PALM2AKAP2: variants seen among roughly 807,000 people sequenced by gnomAD.
PALM2AKAP2 encodes PALM2 and AKAP2 fusion.
In PALM2AKAP2, 37 loss-of-function variants were observed where a neutral mutation model predicts 71.5. That is an observed-to-expected ratio of 0.52 (90% CI 0.40 to 0.68). The LOEUF (loss-of-function observed/expected upper bound fraction) is 0.68. Among genes scored for constraint, PALM2AKAP2 ranks in the 30% least tolerant of loss-of-function variants. The probability of loss-of-function intolerance (pLI) is 0.00; values close to 1 mark genes in which losing one functional copy is unlikely to be tolerated. For missense variants in PALM2AKAP2, 1,224 were observed against 1,191.8 expected, an observed-to-expected ratio of 1.03 and a Z score of -0.40; for synonymous variants, 468 against 478.8, an observed-to-expected ratio of 0.98 and a Z score of 0.29.
chr9:110,118,366 C>T (rs111886707), intron 1 of PALM2AKAP2, among the ~76,000 whole-genome samples: 9,631 of 152,144 alleles, frequency 0.063, 348 homozygotes, highest in Middle Eastern at 0.11. Context: ...CCTGCCTCTG[C>T]CTCCTAAGTA....
At chr9:110,096,948 AT>A (rs1454807323) in intron 1 of PALM2AKAP2, among the ~76,000 whole-genome samples, 143 of 141,784 alleles carry the variant, frequency 1.0e-3, no homozygotes, top group African/African-American at 4.1e-3. Flanking sequence ...TTATTTATTT[AT>A]TTATTTATTT....
intron 3 of PALM2AKAP2, among the ~76,000 whole-genome samples, chr9:109,905,061 A>G (rs1564203583): frequency 6.6e-6 from 1 of 152,234 alleles, no homozygotes; most frequent in Non-Finnish European, 1.5e-5. Flanking sequence ...CTACCCTCAC[A>G]GAACATTTTG....
intron 1 of PALM2AKAP2, among the ~76,000 whole-genome samples, chr9:109,840,046 C>T (rs1049826480): frequency 2.0e-4 from 30 of 152,130 alleles, no homozygotes; most frequent in Non-Finnish European, 3.7e-4. Context: ...AAAAAGAGCC[C>T]GCATTGCCAA....
chr9:109,785,592 C>A (rs533894221), intron 1 of PALM2AKAP2, among the ~76,000 whole-genome samples: 2 of 152,186 alleles, frequency 1.3e-5, no homozygotes, highest in African/African-American at 2.4e-5. Context: ...AGGTGAAAGG[C>A]ACATCTCACA....
At chr9:109,731,334 A>C (rs1828554084) in intron 1 of PALM2AKAP2, among the ~76,000 whole-genome samples, 1 of 152,168 alleles carries the variant, frequency 6.6e-6, no homozygotes, top group Non-Finnish European at 1.5e-5. Context: ...CAGTTGTCAA[A>C]CTTCTTATAG....
At chr9:110,097,606 G>A (rs10980203) in intron 1 of PALM2AKAP2, among the ~76,000 whole-genome samples, 24,930 of 144,460 alleles carry the variant, frequency 0.17, 2,767 homozygotes, top group East Asian at 0.37. Flanking sequence ...ATGGGATGGC[G>A]GCCGGGAAGA....
chr9:109,813,064 G>T (rs1009397658), intron 1 of PALM2AKAP2, among the ~76,000 whole-genome samples: 2 of 152,248 alleles, frequency 1.3e-5, no homozygotes, highest in Non-Finnish European at 2.9e-5. Context: ...TTTTAAAAAT[G>T]ATTGCAGGTC....
At chr9:109,980,699 C>A (rs545574904) in intron 6 of PALM2AKAP2, among the ~76,000 whole-genome samples, 14 of 152,342 alleles carry the variant, frequency 9.2e-5, no homozygotes, top group Non-Finnish European at 2.1e-4. Flanking sequence ...TCCTTGGGTG[C>A]TTCTTACTGC....
chr9:110,037,331 C>T (rs1474098560), intron 7 of PALM2AKAP2, among the ~76,000 whole-genome samples: 3 of 152,128 alleles, frequency 2.0e-5, no homozygotes, highest in African/African-American at 7.2e-5. Flanking sequence ...CTCAGCCTCC[C>T]GAGTAGCTGG....
intron 1 of PALM2AKAP2, among the ~76,000 whole-genome samples, chr9:109,689,008 C>T (rs563224225): frequency 7.9e-5 from 12 of 152,230 alleles, no homozygotes; most frequent in Middle Eastern, 6.8e-3. Flanking sequence ...ACTTCGCCAC[C>T]ATCAGTCAGT....
chr9:109,838,761 A>G (rs1235116749), intron 1 of PALM2AKAP2, among the ~76,000 whole-genome samples: 10 of 152,236 alleles, frequency 6.6e-5, no homozygotes, highest in African/African-American at 2.2e-4. Flanking sequence ...CTACACAAAT[A>G]AACTAGAAAA....
chr9:109,933,877 G>A (rs1831164593), intron 6 of PALM2AKAP2, among the ~76,000 whole-genome samples: 1 of 152,204 alleles, frequency 6.6e-6, no homozygotes, highest in Admixed American at 6.5e-5. Context: ...TCAGATTCAT[G>A]ATCAATTATG....
At chr9:110,124,632 C>T (rs556992183) in intron 1 of PALM2AKAP2, among the ~76,000 whole-genome samples, 1 of 152,090 alleles carries the variant, frequency 6.6e-6, no homozygotes, top group South Asian at 2.1e-4. Context: ...TGCTGGGGGC[C>T]CTATTCTGAG....
intron 1 of PALM2AKAP2, among the ~76,000 whole-genome samples, chr9:109,721,319 G>T (rs1452450041): frequency 2.9e-5 from 4 of 138,434 alleles, no homozygotes; most frequent in African/African-American, 7.4e-5. Context: ...TGAGTGACAG[G>T]GAGCAGCAAA....
intron 6 of PALM2AKAP2, among the ~76,000 whole-genome samples, chr9:109,957,900 G>A (rs1158735112): frequency 6.6e-6 from 1 of 152,188 alleles, no homozygotes; most frequent in African/African-American, 2.4e-5. Context: ...CAGTGAGTCC[G>A]GGCTATGATT....
At chr9:109,933,626 A>T (rs1329233500) in intron 6 of PALM2AKAP2, among the ~76,000 whole-genome samples, 1 of 152,250 alleles carries the variant, frequency 6.6e-6, no homozygotes, top group Admixed American at 6.5e-5. Flanking sequence ...TATTACCACA[A>T]CCCAGCTCCC....
At chr9:109,771,645 C>T (rs1046831705) in intron 1 of PALM2AKAP2, among the ~76,000 whole-genome samples, 2 of 152,158 alleles carry the variant, frequency 1.3e-5, no homozygotes, top group Non-Finnish European at 2.9e-5. Context: ...ACTCTCTGAT[C>T]GCAGGAAAAG....
At chr9:109,754,157 A>C (rs562582173) in intron 1 of PALM2AKAP2, among the ~76,000 whole-genome samples, 1 of 152,280 alleles carries the variant, frequency 6.6e-6, no homozygotes, top group African/African-American at 2.4e-5. Context: ...GAAAGATAAA[A>C]CAGAAAAAGT....
chr9:109,756,289 T>C (rs1218606555), intron 1 of PALM2AKAP2, among the ~76,000 whole-genome samples: 1 of 152,328 alleles, frequency 6.6e-6, no homozygotes, highest in African/African-American at 2.4e-5. Context: ...ATCTGTGAAA[T>C]GAACATTTCT....
Sources: gnomAD v4.1 joint callset for allele counts (sites outside exome capture counted in the v4.1 genomes callset) on GRCh38, gnomAD v4.1.1 for gene constraint, MANE v1.5 for transcripts, NCBI Gene and HGNC (gene_info 2026-07-23, HGNC 2026-07-21) for gene names.